GYPE: variants seen among roughly 807,000 people sequenced by gnomAD.
GYPE encodes glycophorin E (MNS blood group), also known as glycophorin-E.
In GYPE, 8 loss-of-function variants were observed where a neutral mutation model predicts 11.6. That is an observed-to-expected ratio of 0.69 (90% CI 0.41 to 1.25). The LOEUF is 1.25. GYPE is among the 50% of genes most tolerant of loss of function. GYPE has a pLI of 0.01. For missense variants in GYPE, 90 were observed against 92.8 expected (o/e 0.97, Z 0.12); for synonymous variants, 28 against 29.6 (o/e 0.94, Z 0.18).
intron 1 of GYPE, among the ~76,000 whole-genome samples, chr4:143,894,675 A>G (rs945461980): frequency 3.9e-5 from 6 of 152,182 alleles, no homozygotes; most frequent in African/African-American, 1.4e-4. Flanking sequence ...TCATCCTGGT[A>G]CCAGAGCCGG....
At chr4:143,883,225 C>T (rs1744107340) in intron 1 of GYPE, among the ~76,000 whole-genome samples, 1 of 152,154 alleles carries the variant, frequency 6.6e-6, no homozygotes, top group South Asian at 2.1e-4. Context: ...CCGACTCTCT[C>T]TCTTGCTCTT....
intron 1 of GYPE, among the ~76,000 whole-genome samples, chr4:143,892,522 T>C (rs1744448074): frequency 1.3e-5 from 2 of 151,770 alleles, no homozygotes; most frequent in Admixed American, 6.6e-5. Flanking sequence ...TTTGTTCTCA[T>C]TGGTTTCAAA....
intron 1 of GYPE, among the ~76,000 whole-genome samples, chr4:143,903,148 G>T (rs570768349): frequency 6.6e-6 from 1 of 151,938 alleles, no homozygotes; most frequent in South Asian, 2.1e-4. Context: ...GCAGTTTTCG[G>T]CATTCATGTT....
rs1408096049 is a variant in GYPE at position 143,902,991 on chromosome 4, C to G, written c.37+2480G>C. 3.9e-5 allele frequency among the ~76,000 whole-genome samples: 6 copies of G among 152,138 alleles called. No individual in the cohort carries two copies. In the East Asian group the frequency reaches 7.7e-4, roughly 20 times the overall value. Reference sequence around the variant, plus strand: ...TTTCCTTGAAAACACTAACTTACCTCCTGTTTCAGAATTTTTGCTCTTGCT... The same window carrying G: ...TTTCCTTGAAAACACTAACTTACCTGCTGTTTCAGAATTTTTGCTCTTGCT... On this transcript the variant is annotated intron_variant, in intron 1 of 3. Coordinates refer to ENST00000358615, the MANE Select transcript of GYPE (RefSeq NM_198682.3).
At chr4:143,881,211 A>T (rs1371926888) in intron 1 of GYPE, among the ~76,000 whole-genome samples, 2 of 151,614 alleles carry the variant, frequency 1.3e-5, no homozygotes, top group South Asian at 2.1e-4. Context: ...AAAACCACGC[A>T]CGCAAACATG....
chr4:143,891,368 G>A (rs1428634384), intron 1 of GYPE, among the ~76,000 whole-genome samples: 2 of 134,092 alleles, frequency 1.5e-5, no homozygotes, highest in Non-Finnish European at 3.1e-5. Context: ...TTGCTCTGTC[G>A]CCCAAGCTGG....
At chr4:143,898,755 A>C (rs1456341355) in intron 1 of GYPE, among the ~76,000 whole-genome samples, 2 of 152,222 alleles carry the variant, frequency 1.3e-5, no homozygotes, top group Non-Finnish European at 2.9e-5. Flanking sequence ...TTTATTAGGC[A>C]TTCCCATATT....
At chr4:143,879,548 G>A (rs1468445192) in intron 2 of GYPE, among the ~76,000 whole-genome samples, 3 of 152,110 alleles carry the variant, frequency 2.0e-5, no homozygotes, top group Admixed American at 6.6e-5. Context: ...GTTACAGCTC[G>A]TGTAAACAGA....
intron 1 of GYPE, among the ~76,000 whole-genome samples, chr4:143,881,314 G>A (rs908152852): frequency 6.6e-6 from 1 of 151,610 alleles, no homozygotes; most frequent in Non-Finnish European, 1.5e-5. Context: ...ATTCTTAAAT[G>A]CAATACATTT....
At chr4:143,876,544 AT>A (rs774713811) in intron 3 of GYPE, among the ~76,000 whole-genome samples, 1 of 152,184 alleles carries the variant, frequency 6.6e-6, no homozygotes, top group African/African-American at 2.4e-5. Context: ...ACAGATTTAT[AT>A]TTAGAGGCTC....
At chr4:143,872,467 G>A (rs1486330041) in intron 3 of GYPE, among the ~76,000 whole-genome samples, 1 of 151,978 alleles carries the variant, frequency 6.6e-6, no homozygotes, top group African/African-American at 2.4e-5. Flanking sequence ...CCAATAACCA[G>A]TTATACAAAT....
chr4:143,893,563 C>T (rs1280129089), intron 1 of GYPE, among the ~76,000 whole-genome samples: 1 of 152,034 alleles, frequency 6.6e-6, no homozygotes, highest in African/African-American at 2.4e-5. Flanking sequence ...ATCTCCTTCA[C>T]TTATGAAGCT....
chr4:143,890,607 C>A (rs907463004), intron 1 of GYPE, among the ~76,000 whole-genome samples: 1 of 152,182 alleles, frequency 6.6e-6, no homozygotes, highest in Non-Finnish European at 1.5e-5. Context: ...GCGGCGAAAA[C>A]AACTGCTCCA....
At chr4:143,876,662 G>C in intron 3 of GYPE, 84 bp downstream of exon 3, 1 of 716,234 alleles carries the variant, frequency 1.4e-6, no homozygotes, top group Non-Finnish European at 2.5e-6. Flanking sequence ...TTTCTCTTTT[G>C]AGTTTAACTG....
At position 143,890,265 on chromosome 4, in the gene GYPE, G is replaced by T. The variant is rs559602636; in HGVS notation, c.38-9756C>A. On this transcript the variant is annotated intron_variant, in intron 1 of 3. Transcript: ENST00000358615. ...CTTGAATCTTAATTTTTCCAGCCAA[G>T]CATATTCCAATCTGGTCACTCCTGC... 3.6e-3 allele frequency among the ~76,000 whole-genome samples: 548 copies of T among 152,228 alleles called. 2 individuals are homozygous for T. The highest frequency in any genetic ancestry group is 0.012 in the African/African-American group (519 of 41,522).
chr4:143,895,020 C>T (rs987861305), intron 1 of GYPE, among the ~76,000 whole-genome samples: 1 of 152,176 alleles, frequency 6.6e-6, no homozygotes, highest in African/African-American at 2.4e-5. Context: ...ATAATAACAG[C>T]AATCTATGAC....
rs1261859640 is a variant in GYPE, at chr4:143,880,410, C to A, written c.136+1G>T. 3 of 1,613,804 alleles carry A rather than the reference C, an allele frequency of 1.9e-6. No individual in the cohort carries two copies. In the African/African-American group the frequency reaches 4.0e-5, roughly 22 times the overall value. Reference sequence around the variant, plus strand: ...ATTTAAAAATAAAAATGAAAACAAACCATTTGTCTGTGATGAGATGTAACT... The same window carrying A: ...ATTTAAAAATAAAAATGAAAACAAAACATTTGTCTGTGATGAGATGTAACT... On this transcript the variant is annotated splice_donor_variant, in intron 2 of 3. Coordinates refer to ENST00000358615, the MANE Select transcript of GYPE (RefSeq NM_198682.3). LOFTEE classifies it high-confidence loss of function.
chr4:143,900,152 C>T (rs1578980064), intron 1 of GYPE, among the ~76,000 whole-genome samples: 1 of 151,400 alleles, frequency 6.6e-6, no homozygotes, highest in Non-Finnish European at 1.5e-5. Flanking sequence ...CAACATTTCT[C>T]CAAAGATATG....
chr4:143,879,388 T>A (rs1037628104), intron 2 of GYPE, among the ~76,000 whole-genome samples: 18 of 152,208 alleles, frequency 1.2e-4, no homozygotes, highest in African/African-American at 4.3e-4. Flanking sequence ...AGGATTCAGG[T>A]ATATTTTTTC....
Sources: gnomAD v4.1 joint callset for allele counts (sites outside exome capture counted in the v4.1 genomes callset) on GRCh38, gnomAD v4.1.1 for gene constraint, MANE v1.5 for transcripts, NCBI Gene and HGNC (gene_info 2026-07-23, HGNC 2026-07-21) for gene names.